Variants in CACNB2 observed in about 807,000 individuals in gnomAD.
CACNB2 encodes calcium voltage-gated channel auxiliary subunit beta 2, also known as voltage-dependent L-type calcium channel subunit beta-2.
CACNB2 carries 42 observed loss-of-function variants against 73.3 expected under a neutral mutation model. The ratio of observed to expected loss-of-function variants is 0.57; its 90% CI spans 0.45 to 0.74. The LOEUF (loss-of-function observed/expected upper bound fraction) is 0.74, where lower values mean the gene tolerates loss of function less well. Ranked by LOEUF, CACNB2 falls within the 30% of genes least tolerant of loss-of-function variation. The pLI is 0.00. For synonymous variants in CACNB2, 348 were observed against 310.3 expected, an observed-to-expected ratio of 1.12 and a Z score of -1.28; for missense variants, 940 against 853.0, an observed-to-expected ratio of 1.10 and a Z score of -1.27.
intron 2 of CACNB2, among the ~76,000 whole-genome samples, chr10:18,172,704 C>T (rs1168732125): frequency 6.6e-6 from 1 of 152,080 alleles, no homozygotes; most frequent in Non-Finnish European, 1.5e-5. Context: ...ACCTATTTTA[C>T]TTTATTTTCA....
chr10:18,250,315 TTG>T (rs1245690557), intron 2 of CACNB2, among the ~76,000 whole-genome samples: 1 of 152,242 alleles, frequency 6.6e-6, no homozygotes, highest in Admixed American at 6.5e-5. Flanking sequence ...TGTTGTAACT[TTG>T]TGAACCTATA....
chr10:18,163,659 T>C (rs2032639011), intron 2 of CACNB2, among the ~76,000 whole-genome samples: 1 of 152,232 alleles, frequency 6.6e-6, no homozygotes. Context: ...TTAGTGAACC[T>C]ACAGAAAGGT....
intron 2 of CACNB2, among the ~76,000 whole-genome samples, chr10:18,204,474 T>C (rs761809031): frequency 1.2e-4 from 18 of 152,330 alleles, no homozygotes; most frequent in South Asian, 6.2e-4. Flanking sequence ...CTTGCTCTAA[T>C]TGACAAAAGC....
At chr10:18,306,130 T>C (rs1349665313) in intron 2 of CACNB2, among the ~76,000 whole-genome samples, 2 of 152,070 alleles carry the variant, frequency 1.3e-5, no homozygotes, top group Non-Finnish European at 2.9e-5. Context: ...TTAATTGTGA[T>C]CTTGGGAGAG....
rs907187965 is a variant in CACNB2 at position 18,271,250 on chromosome 10, C to T, written c.213+120275C>T. On this transcript the variant is annotated intron_variant, in intron 2 of 13. Coordinates refer to ENST00000324631, the MANE Select transcript of CACNB2 (RefSeq NM_201596.3). ...CATTTCCTCTTTTGGCCTCTTTTCC[C>T]GATTTAGATGATATTCCTTGTATTT... is the stretch of plus-strand genomic sequence containing the variant. Among the ~76,000 whole-genome samples the T allele has an allele frequency of 2.6e-5, 4 of 152,112 alleles. No individual in the cohort carries two copies. The East Asian group carries it at 5.8e-4, about 22-fold the overall frequency.
At chr10:18,475,721 T>C (rs2048407701) in intron 3 of CACNB2, among the ~76,000 whole-genome samples, 2 of 152,192 alleles carry the variant, frequency 1.3e-5, no homozygotes. Flanking sequence ...ATAATGACAG[T>C]TACCTTGTTT....
At chr10:18,279,007 A>G (rs1374127070) in intron 2 of CACNB2, among the ~76,000 whole-genome samples, 1 of 152,082 alleles carries the variant, frequency 6.6e-6, no homozygotes, top group Non-Finnish European at 1.5e-5. Context: ...ACAGAGAGAG[A>G]TCCTGTCTTA....
Position 18,442,926 on chromosome 10 carries a change from GTATATATATATATA to G in CACNB2, c.333+40885_333+40898del, listed in dbSNP as rs1316286386. On this transcript the variant is annotated intron_variant, in intron 3 of 13. Coordinates refer to ENST00000324631, the MANE Select transcript of CACNB2 (RefSeq NM_201596.3). ...GTAAAAACAATATATATATATATAT[GTATATATATATATA>G]TGTGTATATATATATATGTATATAT... 8.1e-5 allele frequency among the ~76,000 whole-genome samples: 4 copies of G among 49,466 alleles called. 1 individual carries two copies. Among genetic ancestry groups the G allele is most frequent in the East Asian group, 4.0e-4 (1 of 2,488 alleles). 32.5% of individuals were successfully genotyped at this position (49,466 alleles called of 152,430 possible).
chr10:18,170,150 TA>T (rs1178904990), intron 2 of CACNB2, among the ~76,000 whole-genome samples: 5 of 152,206 alleles, frequency 3.3e-5, no homozygotes, highest in Non-Finnish European at 7.3e-5. Flanking sequence ...GCCCAAGCCA[TA>T]AGTTCACTTT....
chr10:18,165,415 A>C (rs570291683), intron 2 of CACNB2, among the ~76,000 whole-genome samples: 1 of 152,240 alleles, frequency 6.6e-6, no homozygotes, highest in East Asian at 1.9e-4. Flanking sequence ...CTCTTTTGGA[A>C]GAAGGCACAG....
chr10:18,494,834 G>T lies in CACNB2; in HGVS notation c.334-3521G>T, dbSNP rs112292317. Among the ~76,000 whole-genome samples, 817 of 152,012 alleles carry T rather than the reference G, an allele frequency of 5.4e-3. 7 individuals carry two copies. The highest frequency in any genetic ancestry group is 0.019 in the African/African-American group (783 of 41,482). On this transcript the variant is annotated intron_variant, in intron 3 of 13. Coordinates refer to ENST00000324631, the MANE Select transcript of CACNB2 (RefSeq NM_201596.3). ...CTACATCCTTAGGAGGCTGAGGGGG[G>T]AGGATTACTTGAGGCCAGGAGTTTG...
chr10:18,401,416 T>G (rs545792582), intron 2 of CACNB2, among the ~76,000 whole-genome samples: 1 of 152,136 alleles, frequency 6.6e-6, no homozygotes, highest in East Asian at 1.9e-4. Flanking sequence ...TCAGAGAAAA[T>G]AGCAGGTGTA....
intron 10 of CACNB2, among the ~76,000 whole-genome samples, chr10:18,529,326 A>C (rs529790426): frequency 4.5e-4 from 69 of 152,350 alleles, no homozygotes; most frequent in African/African-American, 1.6e-3. Context: ...ACTAGATACC[A>C]AATATCATGT....
intron 2 of CACNB2, among the ~76,000 whole-genome samples, chr10:18,246,711 G>C (rs1213180829): frequency 6.6e-6 from 1 of 152,148 alleles, no homozygotes; most frequent in East Asian, 1.9e-4. Context: ...CTCCTGAGTA[G>C]CTGGGAATAC....
chr10:18,377,268 C>T (rs1016597638), intron 2 of CACNB2, among the ~76,000 whole-genome samples: 26 of 152,130 alleles, frequency 1.7e-4, no homozygotes, highest in Non-Finnish European at 3.1e-4. Context: ...TCCTCCATTA[C>T]GTTTATAGAA....
At chr10:18,352,384 A>G (rs2041746895) in intron 2 of CACNB2, among the ~76,000 whole-genome samples, 1 of 152,238 alleles carries the variant, frequency 6.6e-6, no homozygotes, top group Non-Finnish European at 1.5e-5. Flanking sequence ...TCACCACTGT[A>G]TGAAAGCTCT....
intron 2 of CACNB2, among the ~76,000 whole-genome samples, chr10:18,396,676 G>A (rs1197162588): frequency 6.6e-6 from 1 of 152,114 alleles, no homozygotes; most frequent in Middle Eastern, 3.2e-3. Context: ...TCACCATGTT[G>A]GTCAGGCTGG....
At chr10:18,223,859 C>A (rs181669987) in intron 2 of CACNB2, among the ~76,000 whole-genome samples, 1 of 151,982 alleles carries the variant, frequency 6.6e-6, no homozygotes, top group African/African-American at 2.4e-5. Flanking sequence ...CTTTTCCCCC[C>A]AATAAAACAG....
At chr10:18,229,031 C>T (rs891652330) in intron 2 of CACNB2, among the ~76,000 whole-genome samples, 64 of 152,264 alleles carry the variant, frequency 4.2e-4, no homozygotes, top group African/African-American at 1.5e-3. Context: ...CATGAGCCAC[C>T]GCATCCGGCT....
Sources: allele counts gnomAD v4.1 joint callset (sites outside exome capture counted in the v4.1 genomes callset), GRCh38; gene constraint gnomAD v4.1.1; transcripts MANE v1.5; gene names NCBI Gene and HGNC (gene_info 2026-07-23, HGNC 2026-07-21).